The following TASP1 variants were observed in gnomAD, a reference collection of about 807,000 sequenced individuals.
TASP1 encodes the protein taspase 1.
In TASP1, 16 loss-of-function variants were observed where a neutral mutation model predicts 56.6. The observed-to-expected ratio is 0.28, with a 90% confidence interval of 0.19 to 0.43. The LOEUF (loss-of-function observed/expected upper bound fraction) is 0.43, where lower values mean the gene tolerates loss of function less well. Among genes scored for constraint, TASP1 ranks in the 20% least tolerant of loss-of-function variants. The pLI is 1.00. For synonymous variants in TASP1, 179 were observed against 184.2 expected (o/e 0.97, Z 0.23); for missense variants, 393 against 511.6 (o/e 0.77, Z 2.24).
intron 4 of TASP1, among the ~76,000 whole-genome samples, chr20:13,613,167 G>T (rs73899350): frequency 8.0e-4 from 122 of 152,186 alleles, no homozygotes; most frequent in African/African-American, 2.9e-3. Context: ...AGCCACAAGA[G>T]GATTAATAAT....
At position 13,415,412 on chromosome 20, in the gene TASP1, C is replaced by T. The variant is rs549929090; in HGVS notation, c.1170+2036G>A. On this transcript the variant is annotated intron_variant, in intron 13 of 13. Coordinates refer to ENST00000337743, the MANE Select transcript of TASP1 (RefSeq NM_017714.3). ...CTTTTTGATCAATAAAATTCCGCAG[C>T]CAAATCATTAGTGTTTTTGTTTTGG... Among the ~76,000 whole-genome samples, 15 of 150,532 alleles carry T rather than the reference C, an allele frequency of 1.0e-4. No individual in the cohort carries two copies. The South Asian group carries it at 3.2e-3, about 32-fold the overall frequency.
the TASP1 span, among the ~76,000 whole-genome samples, chr20:13,139,228 T>C: frequency 6.6e-6 from 1 of 152,108 alleles, no homozygotes; most frequent in African/African-American, 2.4e-5. Flanking sequence ...CACAGAAAAA[T>C]TTGGGTTTCT....
intron 13 of TASP1, among the ~76,000 whole-genome samples, chr20:13,409,967 C>A (rs1240406091): frequency 6.6e-6 from 1 of 152,130 alleles, no homozygotes; most frequent in Non-Finnish European, 1.5e-5. Flanking sequence ...CTCTTCATTC[C>A]CTCCTCCCAC....
intron 10 of TASP1, among the ~76,000 whole-genome samples, chr20:13,514,346 A>C (rs1390262206): frequency 6.6e-6 from 1 of 152,092 alleles, no homozygotes; most frequent in Non-Finnish European, 1.5e-5. Flanking sequence ...AGAAACAAGA[A>C]CTCCTCAGCA....
chr20:13,565,641 T>C (rs1196220199), intron 7 of TASP1, among the ~76,000 whole-genome samples: 1 of 152,066 alleles, frequency 6.6e-6, no homozygotes, highest in Non-Finnish European at 1.5e-5. Flanking sequence ...CACAATGAAA[T>C]ACCAACTCAC....
chr20:13,341,205 T>C, the TASP1 span, among the ~76,000 whole-genome samples: 4 of 152,226 alleles, frequency 2.6e-5, no homozygotes, highest in Non-Finnish European at 5.9e-5. Context: ...TCAAATGTCA[T>C]CGTGGTAGCA....
At chr20:13,466,952 CT>C (rs1417967554) in intron 11 of TASP1, among the ~76,000 whole-genome samples, 2 of 151,906 alleles carry the variant, frequency 1.3e-5, no homozygotes, top group African/African-American at 4.8e-5. Context: ...CTTGTCTGTG[CT>C]TTTTTAAGCC....
At chr20:13,108,819 G>A in the TASP1 span, among the ~76,000 whole-genome samples, 1 of 152,146 alleles carries the variant, frequency 6.6e-6, no homozygotes, top group Admixed American at 6.6e-5. Flanking sequence ...AGCTTTGCTA[G>A]ATGTCACCTT....
chr20:13,592,546 T>C (rs6033765), intron 4 of TASP1, among the ~76,000 whole-genome samples: 2,555 of 152,248 alleles, frequency 0.017, 63 homozygotes, highest in African/African-American at 0.059. Flanking sequence ...ACCAAAAATA[T>C]ATCAAAACAT....
chr20:13,275,382 G>T, the TASP1 span, among the ~76,000 whole-genome samples: 1 of 152,126 alleles, frequency 6.6e-6, no homozygotes, highest in Non-Finnish European at 1.5e-5. Context: ...GGAATGGCAG[G>T]TCTGGCTGGA....
chr20:13,638,003 T>C (rs2049373270), intron 1 of TASP1, among the ~76,000 whole-genome samples: 2 of 152,214 alleles, frequency 1.3e-5, no homozygotes, highest in South Asian at 2.1e-4. Context: ...ACGCATACAT[T>C]ATGATCACAA....
downstream of TASP1, among the ~76,000 whole-genome samples, chr20:13,386,327 T>C (rs527647743): frequency 6.6e-5 from 10 of 152,302 alleles, no homozygotes; most frequent in African/African-American, 2.4e-4. Flanking sequence ...CACAGAAAAT[T>C]CATGCATAAA....
At chr20:13,524,521 C>T (rs2044896616) in intron 10 of TASP1, among the ~76,000 whole-genome samples, 1 of 152,136 alleles carries the variant, frequency 6.6e-6, no homozygotes, top group Non-Finnish European at 1.5e-5. Flanking sequence ...TTACCCTGTA[C>T]AAGGCTGTTT....
At chr20:13,357,372 T>G in the TASP1 span, among the ~76,000 whole-genome samples, 1 of 152,192 alleles carries the variant, frequency 6.6e-6, no homozygotes, top group South Asian at 2.1e-4. Context: ...TTCCTTTATC[T>G]TCAGGATCAG....
At chr20:13,601,778 G>A (rs542288413) in intron 4 of TASP1, among the ~76,000 whole-genome samples, 4 of 150,430 alleles carry the variant, frequency 2.7e-5, no homozygotes, top group Non-Finnish European at 5.9e-5. Context: ...ACAGCGATAA[G>A]TCATGGTCAT....
the TASP1 span, among the ~76,000 whole-genome samples, chr20:13,343,870 G>A: frequency 6.7e-6 from 1 of 149,600 alleles, no homozygotes; most frequent in Non-Finnish European, 1.5e-5. Context: ...GACTTGGGAG[G>A]ATTCCCAAAC....
intron 6 of TASP1, among the ~76,000 whole-genome samples, chr20:13,577,154 C>A (rs955723254): frequency 6.6e-6 from 1 of 152,014 alleles, no homozygotes; most frequent in African/African-American, 2.4e-5. Context: ...GTAGAAGGAA[C>A]AAGGAGTACA....
At chr20:13,350,202 A>G in the TASP1 span, among the ~76,000 whole-genome samples, 1 of 142,930 alleles carries the variant, frequency 7.0e-6, no homozygotes, top group African/African-American at 2.8e-5. Context: ...CAGAATCTGT[A>G]TAATAAAAAC....
At chr20:13,209,978 A>G in the TASP1 span, among the ~76,000 whole-genome samples, 9 of 152,218 alleles carry the variant, frequency 5.9e-5, no homozygotes, top group Admixed American at 5.2e-4. Context: ...ACTCTGAAGG[A>G]AAGTTTCCTT....
Sources: gnomAD v4.1 joint callset for allele counts (sites outside exome capture counted in the v4.1 genomes callset) on GRCh38, gnomAD v4.1.1 for gene constraint, MANE v1.5 for transcripts, NCBI Gene and HGNC (gene_info 2026-07-23, HGNC 2026-07-21) for gene names.